Variants in AGBL4 observed in about 807,000 individuals in gnomAD.
AGBL4 encodes cytosolic carboxypeptidase 6.
A neutral mutation model predicts 66.4 loss-of-function variants in AGBL4; 58 were observed. The ratio of observed to expected loss-of-function variants is 0.87; its 90% CI spans 0.71 to 1.09. The LOEUF is 1.09. Ranked by LOEUF, AGBL4 falls within the 50% of genes least tolerant of loss-of-function variation. The pLI, the probability that AGBL4 is intolerant of heterozygous loss-of-function variation, is 0.00. For synonymous variants in AGBL4, 234 were observed against 222.9 expected (o/e 1.05, Z -0.44); for missense variants, 579 against 631.0 (o/e 0.92, Z 0.88).
At chr1:49,758,991 A>T (rs1277285846) in intron 2 of AGBL4, among the ~76,000 whole-genome samples, 1 of 152,148 alleles carries the variant, frequency 6.6e-6, no homozygotes, top group African/African-American at 2.4e-5. Context: ...TGATTGGATC[A>T]TGGGGGCAGT....
At chr1:49,663,357 T>G (rs1292025169) in intron 3 of AGBL4, among the ~76,000 whole-genome samples, 2 of 152,172 alleles carry the variant, frequency 1.3e-5, no homozygotes, top group Admixed American at 1.3e-4. Context: ...ATAGATGTGA[T>G]GTGTGCTACT....
intron 5 of AGBL4, among the ~76,000 whole-genome samples, chr1:48,994,905 A>T (rs550125972): frequency 1.1e-4 from 16 of 152,232 alleles, no homozygotes; most frequent in Non-Finnish European, 2.2e-4. Context: ...ATTCTGTAGC[A>T]TCATCCAGGG....
chr1:49,957,723 C>T (rs2148336360), intron 1 of AGBL4, among the ~76,000 whole-genome samples: 1 of 152,124 alleles, frequency 6.6e-6, no homozygotes, highest in East Asian at 1.9e-4. Flanking sequence ...GTAGATCTTC[C>T]TCCATCCCTT....
At chr1:49,335,513 C>CTT (rs940464721) in intron 3 of AGBL4, among the ~76,000 whole-genome samples, 4 of 148,654 alleles carry the variant, frequency 2.7e-5, no homozygotes, top group Admixed American at 2.0e-4. Context: ...AAAATCTGAA[C>CTT]TTTTTTTTTT....
At chr1:49,607,206 G>C (rs1001938204) in intron 3 of AGBL4, among the ~76,000 whole-genome samples, 1 of 152,040 alleles carries the variant, frequency 6.6e-6, no homozygotes, top group African/African-American at 2.4e-5. Context: ...CAATGTTCCT[G>C]TCATCTGGCT....
chr1:49,417,440 C>T (rs1645450727), intron 3 of AGBL4, among the ~76,000 whole-genome samples: 1 of 151,934 alleles, frequency 6.6e-6, no homozygotes, highest in African/African-American at 2.4e-5. Context: ...ATCAAAATTC[C>T]CTCAACTGAT....
At chr1:49,960,563 T>C (rs1028125595) in intron 1 of AGBL4, among the ~76,000 whole-genome samples, 10 of 152,098 alleles carry the variant, frequency 6.6e-5, no homozygotes, top group African/African-American at 1.4e-4. Flanking sequence ...AAGGAAGATA[T>C]TGTATGTTCC....
At chr1:49,324,928 G>C (rs746603993) in intron 3 of AGBL4, among the ~76,000 whole-genome samples, 16 of 152,084 alleles carry the variant, frequency 1.1e-4, no homozygotes, top group Non-Finnish European at 1.6e-4. Context: ...TAGGAACATG[G>C]AGAGAAAAAA....
chr1:49,125,955 A>G (rs975623453), intron 4 of AGBL4, among the ~76,000 whole-genome samples: 1 of 152,176 alleles, frequency 6.6e-6, no homozygotes, highest in Non-Finnish European at 1.5e-5. Flanking sequence ...AGGCATGAAA[A>G]ATATCAGTCC....
chr1:49,016,764 G>A (rs1662857172), intron 5 of AGBL4, among the ~76,000 whole-genome samples: 1 of 152,196 alleles, frequency 6.6e-6, no homozygotes. Flanking sequence ...TTACTACCAG[G>A]CTCAGTGCCT....
At chr1:49,766,203 C>A (rs1004848646) in intron 2 of AGBL4, among the ~76,000 whole-genome samples, 1 of 152,066 alleles carries the variant, frequency 6.6e-6, no homozygotes, top group Admixed American at 6.5e-5. Flanking sequence ...AAGGTGAGAA[C>A]ACATATAAAA....
intron 3 of AGBL4, among the ~76,000 whole-genome samples, chr1:49,530,947 C>T (rs532624128): frequency 6.6e-6 from 1 of 152,072 alleles, no homozygotes; most frequent in African/African-American, 2.4e-5. Context: ...ATAAAAATAC[C>T]TAAACACTGA....
At chr1:48,808,601 A>T (rs1645981920) in intron 6 of AGBL4, among the ~76,000 whole-genome samples, 1 of 152,216 alleles carries the variant, frequency 6.6e-6, no homozygotes, top group Admixed American at 6.5e-5. Flanking sequence ...AGAGGCTGAG[A>T]TCACAGTTGG....
chr1:49,901,873 G>A (rs1178073666), intron 1 of AGBL4, among the ~76,000 whole-genome samples: 2 of 152,114 alleles, frequency 1.3e-5, no homozygotes, highest in Non-Finnish European at 2.9e-5. Flanking sequence ...ACAGAACCCA[G>A]AAATAATCCC....
At chr1:49,547,872 C>G (rs901199258) in intron 3 of AGBL4, among the ~76,000 whole-genome samples, 1 of 151,648 alleles carries the variant, frequency 6.6e-6, no homozygotes, top group African/African-American at 2.4e-5. Flanking sequence ...CTCCCGGGTT[C>G]AAGTGATTCT....
At chr1:48,564,096 A>G (rs1191099516) in intron 11 of AGBL4, among the ~76,000 whole-genome samples, 2 of 152,086 alleles carry the variant, frequency 1.3e-5, no homozygotes, top group Non-Finnish European at 2.9e-5. Flanking sequence ...ATTCCACCTC[A>G]GACATGACTT....
intron 2 of AGBL4, among the ~76,000 whole-genome samples, chr1:49,819,316 C>T (rs147045415): frequency 2.0e-5 from 3 of 152,296 alleles, no homozygotes; most frequent in African/African-American, 7.2e-5. Context: ...CATACTGAGA[C>T]ATTTCTCTCT....
rs1645639732 is a variant in AGBL4, at chr1:48,634,585, C to A, written c.859G>T (p.Asp287Tyr). ...GNYRCSLMGFDLNRHWLDPSP... is the reference protein window; with the variant it reads ...GNYRCSLMGFYLNRHWLDPSP... ...GGATCCAGCCAGTGACGATTCAGAT[C>A]AAATCCCATCAGAGAACACCTAGGC... The change falls in exon 9 of 14, where the codon GAT becomes TAT. Residue 287 changes from aspartate (D) to tyrosine (Y), a missense_variant. Transcript: ENST00000371839. 6.2e-7 allele frequency: 1 copy of A among 1,601,432 alleles called. No homozygotes were observed. Among genetic ancestry groups the A allele is most frequent in the African/African-American group, 1.3e-5 (1 of 74,714 alleles).
At chr1:49,316,506 G>T (rs775150492) in intron 3 of AGBL4, among the ~76,000 whole-genome samples, 2 of 151,828 alleles carry the variant, frequency 1.3e-5, no homozygotes, top group African/African-American at 2.4e-5. Flanking sequence ...GAGAGAGAGA[G>T]CATGAACGAG....
Sources: gnomAD v4.1 joint callset for allele counts (sites outside exome capture counted in the v4.1 genomes callset) on GRCh38, gnomAD v4.1.1 for gene constraint, MANE v1.5 for transcripts, NCBI Gene and HGNC (gene_info 2026-07-23, HGNC 2026-07-21) for gene names.